RB1: variants seen among roughly 807,000 people sequenced by gnomAD.
RB1 encodes the protein RB transcriptional corepressor 1, also known as retinoblastoma-associated protein.
In RB1, 18 loss-of-function variants were observed where a neutral mutation model predicts 135.4. The ratio of observed to expected loss-of-function variants is 0.13; its 90% CI spans 0.09 to 0.20. RB1 has a LOEUF of 0.20. Among genes scored for constraint, RB1 ranks in the 10% least tolerant of loss-of-function variants. The pLI, the probability that RB1 is intolerant of heterozygous loss-of-function variation, is 1.00. For synonymous variants in RB1, 365 were observed against 373.2 expected (o/e 0.98, Z 0.25); for missense variants, 868 against 1,110.0 (o/e 0.78, Z 3.10).
chr13:48,443,433 CA>C (rs143646124), intron 17 of RB1, among the ~76,000 whole-genome samples: 4,935 of 152,032 alleles, frequency 0.032, 233 homozygotes, highest in East Asian at 0.13. Context: ...ATTCCACACT[CA>C]AAAAATATTT....
At chr13:48,372,869 C>T (rs933717960) in intron 11 of RB1, among the ~76,000 whole-genome samples, 4 of 152,118 alleles carry the variant, frequency 2.6e-5, no homozygotes, top group Admixed American at 1.3e-4. Flanking sequence ...CTTCATAATA[C>T]ACACACATAA....
chr13:48,371,676 A>G (rs2138127923), intron 11 of RB1, among the ~76,000 whole-genome samples: 1 of 152,314 alleles, frequency 6.6e-6, no homozygotes, highest in South Asian at 2.1e-4. Flanking sequence ...CCATAAAAAA[A>G]AATGAGATTG....
chr13:48,337,561 G>A (rs1321070086), intron 2 of RB1, among the ~76,000 whole-genome samples: 1 of 152,002 alleles, frequency 6.6e-6, no homozygotes, highest in African/African-American at 2.4e-5. Flanking sequence ...TTTATTTTGA[G>A]CCTATGTGTG....
Position 48,367,490 on chromosome 13 carries a change from C to A in RB1, c.940-4C>A. 6.2e-7 allele frequency: 1 copy of A among 1,600,970 alleles called. No individual in the cohort carries two copies. Among genetic ancestry groups the A allele is most frequent in the South Asian group, 1.1e-5 (1 of 90,822 alleles). On this transcript the variant is annotated splice_region_variant and splice_polypyrimidine_tract_variant and intron_variant, in intron 9 of 26. Transcript: ENST00000267163. ...ATAATTGTCAGTGACTTTTTTCTTT[C>A]AAGGTTGAAAATCTTTCTAAACGAT...
intron 2 of RB1, among the ~76,000 whole-genome samples, chr13:48,335,446 G>C (rs1200825748): frequency 6.6e-6 from 1 of 151,972 alleles, no homozygotes; most frequent in Non-Finnish European, 1.5e-5. Context: ...ATGCAGTTCT[G>C]TTACTCTAAA....
chr13:48,323,326 C>G (rs1251117981), intron 2 of RB1, among the ~76,000 whole-genome samples: 1 of 151,900 alleles, frequency 6.6e-6, no homozygotes, highest in African/African-American at 2.4e-5. Flanking sequence ...CATGGCATTG[C>G]CATTATAATC....
At chr13:48,379,983 ATTCAATGCTGACAC>A in intron 14 of RB1, 56 bp from the exon 15 acceptor site, 3 of 920,272 alleles carry the variant, frequency 3.3e-6, no homozygotes, top group African/African-American at 1.8e-5. Context: ...AAAAAAAAAA[ATTCAATGCTGACAC>A]AAATAAGGTT....
At chr13:48,414,006 C>T (rs115609609) in intron 17 of RB1, among the ~76,000 whole-genome samples, 1,525 of 152,138 alleles carry the variant, frequency 0.01, 37 homozygotes, top group African/African-American at 0.035. Context: ...GATTTTGTCT[C>T]CATCTAAAAG....
chr13:48,480,128 G>A lies in RB1; in HGVS notation c.*57G>A, dbSNP rs2138364918. On this transcript the variant is annotated 3_prime_UTR_variant, in exon 27 of 27. Coordinates refer to ENST00000267163, the MANE Select transcript of RB1 (RefSeq NM_000321.3). ...ACCTCTGGATTCATTGTCTCTCACA[G>A]ATGTGACTGTATAACTTTCCCAGGT... is the stretch of plus-strand genomic sequence containing the variant. 7.0e-7 allele frequency: 1 copy of A among 1,418,882 alleles called. No individual in the cohort carries two copies. Among genetic ancestry groups the A allele is most frequent in the Non-Finnish European group, 9.9e-7 (1 of 1,007,104 alleles). The allele number at this position is 1,418,882 out of a possible 1,614,324, so 87.9% of individuals were successfully genotyped here.
At chr13:48,381,899 C>T (rs1485974836) in intron 17 of RB1, among the ~76,000 whole-genome samples, 3 of 28,858 alleles carry the variant, frequency 1.0e-4, no homozygotes, top group Admixed American at 4.6e-4. Context: ...CCTGTGTCCA[C>T]GTGTTCTCAT....
chr13:48,368,562 T>C lies in RB1; in HGVS notation c.1085T>C (p.Leu362Pro), dbSNP rs1566194740. The C allele has an allele frequency of 8.7e-6, 14 of 1,613,456 alleles. No individual in the cohort carries two copies. The highest frequency in any genetic ancestry group is 6.7e-5 in the East Asian group (3 of 44,742). The change falls in exon 11 of 27, where the codon CTT (leucine) becomes CCT (proline). Residue 362 changes from leucine (L) to proline (P), a missense_variant. Physicochemically the swap from Leu to Pro is moderately conservative, Grantham distance 98. Around this residue, in one of 3 missense-constraint regions of RB1, gnomAD observed 641 missense variants for 791.3 expected, o/e 0.81. Transcript: ENST00000267163. ...ETQRTPRKSN[L>P]DEEVNVIPPH... is the part of the protein sequence containing the mutation. ...CAGAGAACACCACGAAAAAGTAACC[T>C]TGATGAAGAGGTGAATGTAATTCCT...
chr13:48,330,169 A>C (rs1190747935), intron 2 of RB1, among the ~76,000 whole-genome samples: 2 of 152,292 alleles, frequency 1.3e-5, no homozygotes, highest in Admixed American at 6.5e-5. Context: ...TGTGGAATGC[A>C]GCAAAACAGT....
chr13:48,356,038 C>T (rs1293795922), intron 6 of RB1, among the ~76,000 whole-genome samples: 1 of 151,930 alleles, frequency 6.6e-6, no homozygotes, highest in Admixed American at 6.6e-5. Flanking sequence ...CTTAATTGTA[C>T]ATTTTAAAAT....
intron 20 of RB1, among the ~76,000 whole-genome samples, chr13:48,463,161 A>G (rs1949416132): frequency 6.6e-6 from 1 of 152,238 alleles, no homozygotes; most frequent in African/African-American, 2.4e-5. Context: ...CATTTAAAAT[A>G]TCTTTTATTG....
intron 17 of RB1, among the ~76,000 whole-genome samples, chr13:48,419,851 C>T (rs962722828): frequency 5.3e-5 from 8 of 152,110 alleles, no homozygotes; most frequent in African/African-American, 1.9e-4. Context: ...GAAGTCGAAT[C>T]CCTGAATAGA....
At chr13:48,365,149 G>A (rs1446247639) in intron 9 of RB1, among the ~76,000 whole-genome samples, 178 bp downstream of exon 9, 8 of 151,990 alleles carry the variant, frequency 5.3e-5, no homozygotes, top group Admixed American at 5.2e-4. Context: ...AAGCTTTTGA[G>A]TATATAATCA....
At chr13:48,461,066 T>A (rs1038989311) in intron 20 of RB1, among the ~76,000 whole-genome samples, 2 of 152,200 alleles carry the variant, frequency 1.3e-5, no homozygotes, top group Non-Finnish European at 2.9e-5. Context: ...TACAATTCAG[T>A]GGTTTTTAGT....
chr13:48,457,411 G>A (rs781356326), intron 19 of RB1, among the ~76,000 whole-genome samples: 1 of 152,134 alleles, frequency 6.6e-6, no homozygotes, highest in African/African-American at 2.4e-5. Flanking sequence ...GCTGAGACTC[G>A]GGCTTCTGTG....
intron 2 of RB1, among the ~76,000 whole-genome samples, chr13:48,334,504 G>A (rs1216242444): frequency 6.6e-6 from 1 of 152,122 alleles, no homozygotes; most frequent in Non-Finnish European, 1.5e-5. Flanking sequence ...ACTTATTACA[G>A]TCTCATGAAC....
Sources: gnomAD v4.1 joint callset for allele counts (sites outside exome capture counted in the v4.1 genomes callset) on GRCh38, gnomAD v4.1.1 for gene constraint, gnomAD v4.1.1 regional missense constraint, MANE v1.5 for transcripts, NCBI Gene and HGNC (gene_info 2026-07-23, HGNC 2026-07-21) for gene names.